STAC: variants seen among roughly 807,000 people sequenced by gnomAD.
STAC encodes SH3 and cysteine-rich domain-containing protein.
Under a neutral mutation model 48.8 loss-of-function variants are expected in STAC, and 43 were observed. That is an observed-to-expected ratio of 0.88 (90% CI 0.69 to 1.14). STAC has a LOEUF of 1.14. Among genes scored for constraint, STAC ranks in the 50% most tolerant of loss-of-function variants. The pLI is 0.00. For missense variants in STAC, 497 were observed against 504.0 expected (o/e 0.99, Z 0.13); for synonymous variants, 193 against 179.5 (o/e 1.07, Z -0.60).
At chr3:36,391,753 T>G (rs1382757598) in intron 1 of STAC, among the ~76,000 whole-genome samples, 1 of 152,198 alleles carries the variant, frequency 6.6e-6, no homozygotes, top group Admixed American at 6.5e-5. Flanking sequence ...ACAAGATGTC[T>G]TGCAGCTCCC....
intron 1 of STAC, among the ~76,000 whole-genome samples, chr3:36,391,507 T>C (rs1382126063): frequency 6.6e-6 from 1 of 152,222 alleles, no homozygotes; most frequent in Non-Finnish European, 1.5e-5. Context: ...ACATCTTAAA[T>C]TCAAGCTACC....
intron 1 of STAC, chr3:36,409,427 A>G (rs943284309): frequency 2.6e-5 from 4 of 152,208 alleles, no homozygotes; most frequent in Admixed American, 2.6e-4. Context: ...GATATTCCCA[A>G]TATAAAAATG....
intron 2 of STAC, among the ~76,000 whole-genome samples, chr3:36,463,284 G>A (rs1697069902): frequency 6.6e-6 from 1 of 151,780 alleles, no homozygotes; most frequent in South Asian, 2.1e-4. Flanking sequence ...TTTGGCAGGG[G>A]TTCCTGAAAT....
Position 36,475,396 on chromosome 3 carries a change from T to C in STAC, c.389-7596T>C, listed in dbSNP as rs150654826. 3.2e-3 allele frequency among the ~76,000 whole-genome samples: 491 copies of C among 152,306 alleles called. 7 individuals carry two copies. Among genetic ancestry groups the C allele is most frequent in the Non-Finnish European group, 2.8e-3 (192 of 68,016 alleles). On this transcript the variant is annotated intron_variant, in intron 2 of 10. Coordinates refer to ENST00000273183, the MANE Select transcript of STAC (RefSeq NM_003149.3). ...GCATTCCTTTGATTGTGGAACTCAA[T>C]ATTCCAAACATGTGATCATTCAGGC... is the stretch of plus-strand genomic sequence containing the variant.
At chr3:36,418,661 T>G (rs921055456) in intron 1 of STAC, among the ~76,000 whole-genome samples, 1 of 151,654 alleles carries the variant, frequency 6.6e-6, no homozygotes, top group African/African-American at 2.4e-5. Context: ...TATTTTATAC[T>G]TTCTTTTACA....
chr3:36,469,361 T>TA (rs1697263049), intron 2 of STAC, among the ~76,000 whole-genome samples: 1 of 152,148 alleles, frequency 6.6e-6, no homozygotes, highest in African/African-American at 2.4e-5. Context: ...TTTTGCTGGA[T>TA]AAAAAATTAC....
At chr3:36,420,868 T>A (rs1031261602) in intron 1 of STAC, among the ~76,000 whole-genome samples, 1 of 152,252 alleles carries the variant, frequency 6.6e-6, no homozygotes, top group Admixed American at 6.5e-5. Context: ...TCTATACTAG[T>A]CATTTTAACT....
intron 1 of STAC, among the ~76,000 whole-genome samples, chr3:36,436,218 A>G (rs1359770976): frequency 6.6e-6 from 1 of 152,208 alleles, no homozygotes; most frequent in African/African-American, 2.4e-5. Context: ...TACCATAACT[A>G]TACAAGGCCA....
chr3:36,519,053 G>T (rs74690385), intron 8 of STAC, among the ~76,000 whole-genome samples: 250 of 152,288 alleles, frequency 1.6e-3, no homozygotes, highest in African/African-American at 5.7e-3. Flanking sequence ...GAGGGGTCAT[G>T]GGTGGCTGGG....
intron 10 of STAC, among the ~76,000 whole-genome samples, chr3:36,538,884 C>G (rs1484028343): frequency 6.6e-6 from 1 of 152,028 alleles, no homozygotes; most frequent in Non-Finnish European, 1.5e-5. Flanking sequence ...CACATGTGAC[C>G]AATATTTTCT....
intron 2 of STAC, among the ~76,000 whole-genome samples, chr3:36,477,700 T>C (rs1354221273): frequency 6.6e-6 from 1 of 152,216 alleles, no homozygotes; most frequent in Non-Finnish European, 1.5e-5. Flanking sequence ...TTGGATTACA[T>C]TGATCCATTC....
chr3:36,405,132 C>T (rs1038653646), intron 1 of STAC, among the ~76,000 whole-genome samples: 6 of 152,144 alleles, frequency 3.9e-5, no homozygotes, highest in African/African-American at 1.4e-4. Flanking sequence ...AGCAGGGTCG[C>T]CCTCAATGAA....
At chr3:36,459,735 C>T (rs985380500) in intron 2 of STAC, among the ~76,000 whole-genome samples, 1 of 152,124 alleles carries the variant, frequency 6.6e-6, no homozygotes, top group African/African-American at 2.4e-5. Flanking sequence ...GAACTGGTAT[C>T]TTGGCAAAAC....
intron 2 of STAC, among the ~76,000 whole-genome samples, chr3:36,475,018 C>T (rs1474778418): frequency 2.0e-5 from 3 of 152,062 alleles, no homozygotes; most frequent in Non-Finnish European, 2.9e-5. Flanking sequence ...TGTGCGCGCG[C>T]GCACGCATGT....
chr3:36,512,498 C>T (rs1698566266), intron 8 of STAC, among the ~76,000 whole-genome samples: 1 of 151,874 alleles, frequency 6.6e-6, no homozygotes, highest in African/African-American at 2.4e-5. Context: ...GATCCTACAG[C>T]TTTATATTAG....
At chr3:36,546,147 G>A in intron 10 of STAC, 44 bp from the exon 11 acceptor site, 1 of 1,551,248 alleles carries the variant, frequency 6.4e-7, no homozygotes, top group Non-Finnish European at 8.9e-7. Context: ...CTTCGTTCTT[G>A]CTGACAGTAA....
At chr3:36,444,868 G>T (rs1209336054) in intron 2 of STAC, among the ~76,000 whole-genome samples, 4 of 152,106 alleles carry the variant, frequency 2.6e-5, no homozygotes, top group Non-Finnish European at 5.9e-5. Flanking sequence ...CCTAGCATCT[G>T]ACTGTCAGCT....
At chr3:36,537,089 A>G (rs1218504384) in intron 10 of STAC, among the ~76,000 whole-genome samples, 1 of 152,188 alleles carries the variant, frequency 6.6e-6, no homozygotes, top group African/African-American at 2.4e-5. Context: ...ATGCTTTTAC[A>G]CTGTTGGTGG....
At chr3:36,426,799 G>A (rs1203300772) in intron 1 of STAC, among the ~76,000 whole-genome samples, 1 of 152,144 alleles carries the variant, frequency 6.6e-6, no homozygotes, top group African/African-American at 2.4e-5. Context: ...TCAGCTATTA[G>A]CTTTATTTTT....
Sources: allele counts gnomAD v4.1 joint callset (sites outside exome capture counted in the v4.1 genomes callset), GRCh38; gene constraint gnomAD v4.1.1; transcripts MANE v1.5; gene names NCBI Gene and HGNC (gene_info 2026-07-23, HGNC 2026-07-21).